The following RHOBTB1 variants were observed in gnomAD, a reference collection of about 807,000 sequenced individuals.
The protein encoded by RHOBTB1 is rho-related BTB domain-containing protein 1.
In RHOBTB1, 40 loss-of-function variants were observed where a neutral mutation model predicts 71.6. The observed-to-expected ratio is 0.56, with a 90% CI of 0.43 to 0.73. The LOEUF (loss-of-function observed/expected upper bound fraction) is 0.73. Ranked by LOEUF, RHOBTB1 falls within the 30% of genes least tolerant of loss-of-function variation. The pLI, the probability that RHOBTB1 is intolerant of heterozygous loss-of-function variation, is 0.00. For synonymous variants in RHOBTB1, 319 were observed against 334.9 expected (o/e 0.95, Z 0.52); for missense variants, 797 against 894.0 (o/e 0.89, Z 1.38).
At chr10:60,920,624 T>TGC (rs2133710406) in intron 2 of RHOBTB1, among the ~76,000 whole-genome samples, 2 of 151,370 alleles carry the variant, frequency 1.3e-5, no homozygotes, top group African/African-American at 4.8e-5. Flanking sequence ...TGATTTGCTT[T>TGC]TTTTTTTTTT....
chr10:60,900,255 C>A (rs558814527), intron 4 of RHOBTB1, among the ~76,000 whole-genome samples: 1 of 152,148 alleles, frequency 6.6e-6, no homozygotes, highest in African/African-American at 2.4e-5. Flanking sequence ...CAGGAAGAAG[C>A]AGAGGACCAA....
intron 2 of RHOBTB1, among the ~76,000 whole-genome samples, chr10:60,934,812 G>C (rs1320294311): frequency 1.3e-5 from 2 of 152,180 alleles, no homozygotes; most frequent in African/African-American, 4.8e-5. Context: ...CGGAGAGCTG[G>C]TGAACGTGTA....
intron 7 of RHOBTB1, among the ~76,000 whole-genome samples, chr10:60,882,203 TAAA>T (rs35430567): frequency 5.9e-4 from 86 of 146,572 alleles, no homozygotes; most frequent in African/African-American, 1.5e-3. Context: ...TCTTTTTTCT[TAAA>T]AAAAAAAAAA....
chr10:60,949,105 G>C (rs555615323), upstream of RHOBTB1, among the ~76,000 whole-genome samples: 1 of 152,284 alleles, frequency 6.6e-6, no homozygotes, highest in East Asian at 1.9e-4. Flanking sequence ...GTATTGATGG[G>C]TCATAAAGAA....
upstream of RHOBTB1, among the ~76,000 whole-genome samples, chr10:60,947,052 A>C (rs2085260861): frequency 6.6e-6 from 1 of 152,226 alleles, no homozygotes; most frequent in Non-Finnish European, 1.5e-5. Flanking sequence ...TTACTTATAA[A>C]ATCTCAGACT....
chr10:60,955,404 C>A (rs962673826), intron 2 of RHOBTB1, among the ~76,000 whole-genome samples: 7 of 152,136 alleles, frequency 4.6e-5, no homozygotes, highest in Admixed American at 4.6e-4. Flanking sequence ...TAACTGAACA[C>A]ACTTTGTGAA....
chr10:60,954,251 G>A (rs145295246), intron 2 of RHOBTB1, among the ~76,000 whole-genome samples: 1 of 152,264 alleles, frequency 6.6e-6, no homozygotes, highest in East Asian at 1.9e-4. Context: ...TTCCTCCTCT[G>A]TAAAATGAAA....
In RHOBTB1 at chr10:60,874,433, A is replaced by G. The variant is rs574055115; in HGVS notation, c.1815+521T>C. Among the ~76,000 whole-genome samples, 4 of 152,318 alleles carry G rather than the reference A, an allele frequency of 2.6e-5. No individual in the cohort carries two copies. In the East Asian group the frequency reaches 5.8e-4, roughly 22 times the overall value. Reference sequence around the variant, plus strand: ...CAGAGTTTAGCTTGTGCTTTGGGGAAGTTACTCCATGGTGAAGCTAAAGCT... The same window carrying G: ...CAGAGTTTAGCTTGTGCTTTGGGGAGGTTACTCCATGGTGAAGCTAAAGCT... On this transcript the variant is annotated intron_variant, in intron 9 of 10. Coordinates refer to ENST00000337910, the MANE Select transcript of RHOBTB1 (RefSeq NM_014836.5).
Position 60,877,899 on chromosome 10 carries a change from C to A in RHOBTB1, c.1726+9G>T. 1 of 1,612,000 alleles carries A rather than the reference C, an allele frequency of 6.2e-7. No homozygotes were observed. The highest frequency in any genetic ancestry group is 8.5e-7 in the Non-Finnish European group (1 of 1,179,142). ...CAGACACTGCATGGCCCTGAGTCAT[C>A]ATCCTTACCTGCAAGTGCAACCAAG... On this transcript the variant is annotated intron_variant, in intron 8 of 10. Transcript: ENST00000337910.
chr10:60,989,738 A>G (rs1267350514), intron 1 of RHOBTB1, among the ~76,000 whole-genome samples: 2 of 152,152 alleles, frequency 1.3e-5, no homozygotes, highest in Non-Finnish European at 2.9e-5. Flanking sequence ...GCTGTAGCTC[A>G]GGGAAGTCCC....
At chr10:60,988,098 A>AT (rs1191761576) in intron 1 of RHOBTB1, among the ~76,000 whole-genome samples, 7 of 148,822 alleles carry the variant, frequency 4.7e-5, no homozygotes, top group African/African-American at 9.9e-5. Flanking sequence ...CGCCCGGCTA[A>AT]TTTTTTTTTG....
intron 2 of RHOBTB1, among the ~76,000 whole-genome samples, chr10:60,920,485 G>A (rs2083495977): frequency 6.6e-6 from 1 of 152,138 alleles, no homozygotes; most frequent in African/African-American, 2.4e-5. Flanking sequence ...AAGTGGGGAA[G>A]CCGGAAGGTT....
rs1384562703 is a variant in RHOBTB1, at chr10:60,870,938, T to G, written c.*544A>C. The G allele has an allele frequency of 1.3e-5, 2 of 152,652 alleles. No homozygotes were observed. The highest frequency in any genetic ancestry group is 1.3e-4 in the Admixed American group (2 of 15,274). 9.5% of individuals were successfully genotyped at this position (152,652 alleles called of 1,614,324 possible). A position where few individuals can be genotyped will look rare whatever the true frequency, so the allele number is the denominator to read the frequency against. On this transcript the variant is annotated 3_prime_UTR_variant, in exon 11 of 11. Transcript: ENST00000337910. Reference sequence around the variant, plus strand: ...ATTCAACAGAACAAAGATTAAACACTCTCCAATTTGCACTTTGGGAGATTT... The same window carrying G: ...ATTCAACAGAACAAAGATTAAACACGCTCCAATTTGCACTTTGGGAGATTT...
chr10:60,985,648 T>A (rs1356692736), intron 2 of RHOBTB1, among the ~76,000 whole-genome samples: 1 of 152,216 alleles, frequency 6.6e-6, no homozygotes, highest in African/African-American at 2.4e-5. Flanking sequence ...AGATAAAATA[T>A]ATTCAAGTAG....
At chr10:60,907,216 T>G (rs938575290) in intron 4 of RHOBTB1, among the ~76,000 whole-genome samples, 2 of 152,230 alleles carry the variant, frequency 1.3e-5, no homozygotes, top group African/African-American at 4.8e-5. Flanking sequence ...ATTACCAGTG[T>G]AAGAACAGAC....
chr10:60,904,856 A>T (rs1287050933), intron 4 of RHOBTB1, among the ~76,000 whole-genome samples: 2 of 152,098 alleles, frequency 1.3e-5, no homozygotes, highest in African/African-American at 4.8e-5. Flanking sequence ...TTTTTCTATA[A>T]CCTGAGCAAT....
chr10:60,887,959 G>A (rs1248906108), intron 6 of RHOBTB1, among the ~76,000 whole-genome samples: 4 of 152,088 alleles, frequency 2.6e-5, no homozygotes, highest in Admixed American at 2.6e-4. Context: ...TTTATTGCTG[G>A]TGTGACCATG....
intron 2 of RHOBTB1, among the ~76,000 whole-genome samples, chr10:60,914,050 T>C (rs1457102398): frequency 6.6e-6 from 1 of 152,058 alleles, no homozygotes; most frequent in African/African-American, 2.4e-5. Context: ...AGATGCAAAC[T>C]CATAAACCTA....
intron 5 of RHOBTB1, among the ~76,000 whole-genome samples, chr10:60,892,307 T>A (rs2081962102): frequency 2.0e-5 from 3 of 152,192 alleles, no homozygotes; most frequent in Admixed American, 1.3e-4. Flanking sequence ...TAGGTCCGAA[T>A]GATTTTCAAA....
Sources: gnomAD v4.1 joint callset for allele counts (sites outside exome capture counted in the v4.1 genomes callset) on GRCh38, gnomAD v4.1.1 for gene constraint, MANE v1.5 for transcripts, NCBI Gene and HGNC (gene_info 2026-07-23, HGNC 2026-07-21) for gene names.